Variants in GCNT1 observed in about 807,000 individuals in gnomAD.
GCNT1 encodes the protein glucosaminyl (N-acetyl) transferase 1, also known as beta-1,3-galactosyl-O-glycosyl-glycoprotein beta-1,6-N-acetylglucosaminyltransferase.
GCNT1 carries 16 observed loss-of-function variants against 26.2 expected under a neutral mutation model. That is an observed-to-expected ratio of 0.61 (90% CI 0.41 to 0.93). GCNT1 has a LOEUF of 0.93. Ranked by LOEUF, GCNT1 falls within the 40% of genes least tolerant of loss-of-function variation. The pLI is 0.00. For synonymous variants in GCNT1, 183 were observed against 190.8 expected, an observed-to-expected ratio of 0.96 and a Z score of 0.34; for missense variants, 477 against 526.7, an observed-to-expected ratio of 0.91 and a Z score of 0.92.
intron 2 of GCNT1, among the ~76,000 whole-genome samples, chr9:76,477,315 C>G (rs1022551960): frequency 6.6e-6 from 1 of 151,564 alleles, no homozygotes; most frequent in Non-Finnish European, 1.5e-5. Flanking sequence ...ATCACGAGGT[C>G]AGGAGTTTGA....
the GCNT1 span, among the ~76,000 whole-genome samples, chr9:76,406,125 A>T: frequency 6.6e-6 from 1 of 152,168 alleles, no homozygotes; most frequent in Admixed American, 6.5e-5. Context: ...CTCTGATGAC[A>T]TATGATGTGG....
At chr9:76,474,540 A>G (rs552701632) in intron 2 of GCNT1, among the ~76,000 whole-genome samples, 97 of 152,356 alleles carry the variant, frequency 6.4e-4, no homozygotes, top group African/African-American at 2.3e-3. Context: ...TTGATAGCCA[A>G]TAAATCAAAA....
chr9:76,400,457 C>T, the GCNT1 span, among the ~76,000 whole-genome samples: 2 of 152,154 alleles, frequency 1.3e-5, no homozygotes, highest in African/African-American at 2.4e-5. Context: ...ACTGCTTTTT[C>T]GTGCTGCTAT....
At chr9:76,411,049 C>T in the GCNT1 span, among the ~76,000 whole-genome samples, 1 of 152,182 alleles carries the variant, frequency 6.6e-6, no homozygotes, top group Non-Finnish European at 1.5e-5. Context: ...ATATCTTTCT[C>T]CATCCCTTTA....
upstream of GCNT1, among the ~76,000 whole-genome samples, chr9:76,455,255 G>A (rs76283199): frequency 2.8e-3 from 420 of 152,278 alleles, 1 homozygote; most frequent in Non-Finnish European, 3.8e-3. Context: ...TCCAATGCTG[G>A]TTTAGGCTGA....
chr9:76,410,681 A>G, the GCNT1 span, among the ~76,000 whole-genome samples: 1 of 152,200 alleles, frequency 6.6e-6, no homozygotes, highest in Non-Finnish European at 1.5e-5. Flanking sequence ...ATCTTGTTCC[A>G]TTTGAGTCTG....
At chr9:76,496,543 A>G (rs1399999919) in intron 2 of GCNT1, among the ~76,000 whole-genome samples, 1 of 151,892 alleles carries the variant, frequency 6.6e-6, no homozygotes, top group East Asian at 1.9e-4. Flanking sequence ...CCACTCCATT[A>G]AGCACTCAGC....
chr9:76,431,901 G>A (rs1048614811), intron 1 of GCNT1, among the ~76,000 whole-genome samples: 1 of 152,136 alleles, frequency 6.6e-6, no homozygotes, highest in African/African-American at 2.4e-5. Context: ...TTGAGGTCAG[G>A]AGTTTGAGAC....
intron 2 of GCNT1, among the ~76,000 whole-genome samples, chr9:76,470,545 G>T (rs1372803655): frequency 6.7e-6 from 1 of 149,938 alleles, no homozygotes; most frequent in African/African-American, 2.5e-5. Context: ...TCGAGGCTGT[G>T]GTGAACTGTG....
At chr9:76,473,531 T>A (rs1824186526) in intron 2 of GCNT1, among the ~76,000 whole-genome samples, 1 of 152,254 alleles carries the variant, frequency 6.6e-6, no homozygotes, top group South Asian at 2.1e-4. Context: ...AAGGGCTCAT[T>A]ATTTGTCAAA....
chr9:76,485,951 T>C (rs1396412705), intron 2 of GCNT1, among the ~76,000 whole-genome samples: 1 of 152,218 alleles, frequency 6.6e-6, no homozygotes, highest in Admixed American at 6.5e-5. Context: ...CAGGCTGGCC[T>C]GAACTCCAGA....
At chr9:76,491,470 A>T (rs918235492) in intron 2 of GCNT1, among the ~76,000 whole-genome samples, 1 of 152,172 alleles carries the variant, frequency 6.6e-6, no homozygotes, top group African/African-American at 2.4e-5. Flanking sequence ...GGCATGTAGG[A>T]TTAGATAAGC....
At chr9:76,396,850 G>A in the GCNT1 span, among the ~76,000 whole-genome samples, 1 of 152,146 alleles carries the variant, frequency 6.6e-6, no homozygotes, top group South Asian at 2.1e-4. Context: ...GCCAGGTGGT[G>A]GTGGCTCGTG....
chr9:76,467,761 A>T (rs1055514701), intron 2 of GCNT1, among the ~76,000 whole-genome samples: 21 of 152,070 alleles, frequency 1.4e-4, no homozygotes, highest in Admixed American at 6.6e-5. Context: ...ACAGAAAACG[A>T]GGTTGAGATT....
the GCNT1 span, chr9:76,394,449 G>A: frequency 8.4e-6 from 3 of 359,238 alleles, no homozygotes; most frequent in Admixed American, 1.0e-4. Context: ...CGGGGTGGGG[G>A]GAGGGGGCGG....
rs1046268168 is a variant in GCNT1 at position 76,484,455 on chromosome 9, A to G, written c.-289-16461A>G. On this transcript the variant is annotated intron_variant, in intron 2 of 3. Coordinates refer to ENST00000376730, the MANE Select transcript of GCNT1 (RefSeq NM_001490.5). The stretch of plus-strand genomic sequence containing the variant: ...ATGATAAGCCCTTTATTTTAACATA[A>G]GTAATTTCTTGTGAAAATCTTTTCA... 2.6e-5 allele frequency among the ~76,000 whole-genome samples: 4 copies of G among 152,156 alleles called. No homozygotes were observed. The East Asian group carries it at 5.8e-4, about 22-fold the overall frequency.
the GCNT1 span, chr9:76,393,964 G>T: frequency 2.5e-6 from 2 of 802,518 alleles, no homozygotes; most frequent in Admixed American, 2.8e-5. Context: ...GGATGCGGGA[G>T]GAGGAAGGGT....
intron 2 of GCNT1, among the ~76,000 whole-genome samples, chr9:76,468,123 T>G (rs898237250): frequency 6.6e-6 from 1 of 152,050 alleles, no homozygotes; most frequent in Non-Finnish European, 1.5e-5. Context: ...TTCGAACTCC[T>G]TAACCTCAGG....
chr9:76,405,873 G>T, the GCNT1 span, among the ~76,000 whole-genome samples: 1 of 152,338 alleles, frequency 6.6e-6, no homozygotes, highest in Middle Eastern at 3.4e-3. Context: ...GTTTTTGTGT[G>T]AATATAGGTT....
Sources: gnomAD v4.1 joint callset for allele counts (sites outside exome capture counted in the v4.1 genomes callset) on GRCh38, gnomAD v4.1.1 for gene constraint, MANE v1.5 for transcripts, NCBI Gene and HGNC (gene_info 2026-07-23, HGNC 2026-07-21) for gene names.